The following MAP4K3 variants were observed in gnomAD, a reference collection of about 807,000 sequenced individuals.
MAP4K3 encodes the protein MAPK/ERK kinase kinase kinase 3.
In MAP4K3, 94 loss-of-function variants were observed where a neutral mutation model predicts 143.5. The observed-to-expected ratio is 0.65, with a 90% CI of 0.55 to 0.78. The LOEUF is 0.78. Ranked by LOEUF, MAP4K3 falls within the 30% of genes least tolerant of loss-of-function variation. The probability of loss-of-function intolerance (pLI) is 0.00; values close to 1 mark genes in which losing one functional copy is unlikely to be tolerated. For synonymous variants in MAP4K3, 416 were observed against 347.2 expected (o/e 1.20, Z -2.20); for missense variants, 1,077 against 1,068.1 (o/e 1.01, Z -0.12).
At chr2:39,364,865 CAAAAAAAAAAA>C (rs70957105) in intron 2 of MAP4K3, among the ~76,000 whole-genome samples, 1 of 114,724 alleles carries the variant, frequency 8.7e-6, no homozygotes, top group South Asian at 3.1e-4. Flanking sequence ...AACTCTGTCT[CAAAAAAAAAAA>C]AAAAAAAAGA....
intron 1 of MAP4K3, among the ~76,000 whole-genome samples, chr2:39,402,232 GA>G (rs1666971319): frequency 6.6e-6 from 1 of 152,146 alleles, no homozygotes; most frequent in Non-Finnish European, 1.5e-5. Flanking sequence ...AACGGTAATA[GA>G]AACTACAGTC....
At chr2:39,344,216 T>C (rs1189546213) in intron 3 of MAP4K3, among the ~76,000 whole-genome samples, 1 of 152,156 alleles carries the variant, frequency 6.6e-6, no homozygotes, top group Non-Finnish European at 1.5e-5. Flanking sequence ...GTTCCATAAA[T>C]GAATGATTGC....
intron 1 of MAP4K3, among the ~76,000 whole-genome samples, chr2:39,413,048 A>C (rs1284083345): frequency 6.6e-6 from 1 of 152,236 alleles, no homozygotes; most frequent in Non-Finnish European, 1.5e-5. Flanking sequence ...AACGAGGAGA[A>C]ACCCAACAAA....
rs188634630 is a variant in MAP4K3 at position 39,304,269 on chromosome 2, C to T, written c.1119+3674G>A. 9.0e-4 allele frequency among the ~76,000 whole-genome samples: 136 copies of T among 151,796 alleles called. 3 individuals are homozygous for T. The highest frequency in any genetic ancestry group is 7.8e-3 in the Admixed American group (119 of 15,232). On this transcript the variant is annotated intron_variant, in intron 15 of 33. Transcript: ENST00000263881. ...TGGCATTTAAAACAACCAGAAATCA[C>T]AGGTAATATGGAATGTTTATGTAGC...
chr2:39,297,413 C>T (rs554294213), intron 16 of MAP4K3, among the ~76,000 whole-genome samples: 53 of 152,152 alleles, frequency 3.5e-4, no homozygotes, highest in African/African-American at 1.2e-3. Flanking sequence ...TCACCATGCC[C>T]GGCCTAGTGT....
intron 33 of MAP4K3, among the ~76,000 whole-genome samples, chr2:39,251,547 G>C (rs959069683): frequency 2.0e-5 from 3 of 152,124 alleles, no homozygotes; most frequent in African/African-American, 7.2e-5. Context: ...ACAACACAAA[G>C]TTCTGTTCAT....
chr2:39,413,352 A>G (rs72931118), intron 1 of MAP4K3, among the ~76,000 whole-genome samples: 4,781 of 152,234 alleles, frequency 0.031, 258 homozygotes, highest in African/African-American at 0.11. Context: ...GAACAGAACC[A>G]CCATTCCCCT....
intron 2 of MAP4K3, among the ~76,000 whole-genome samples, chr2:39,366,537 C>T (rs1048650469): frequency 6.6e-6 from 1 of 152,144 alleles, no homozygotes; most frequent in Admixed American, 6.5e-5. Flanking sequence ...AGTCAGCTTT[C>T]CCTGAATTCA....
At chr2:39,270,552 C>A (rs1366471874) in intron 26 of MAP4K3, among the ~76,000 whole-genome samples, 1 of 152,202 alleles carries the variant, frequency 6.6e-6, no homozygotes, top group African/African-American at 2.4e-5. Context: ...TTCAAAACAA[C>A]TCTGCCAGAT....
chr2:39,262,678 C>T (rs553275763), intron 28 of MAP4K3, among the ~76,000 whole-genome samples: 5 of 152,302 alleles, frequency 3.3e-5, no homozygotes, highest in East Asian at 3.9e-4. Context: ...AATCCAGTTG[C>T]TATTGTCCTC....
At chr2:39,379,279 C>T (rs958218711) in intron 1 of MAP4K3, among the ~76,000 whole-genome samples, 1 of 152,026 alleles carries the variant, frequency 6.6e-6, no homozygotes, top group Non-Finnish European at 1.5e-5. Flanking sequence ...AACCATTTAA[C>T]TCTAAGAAGA....
intron 16 of MAP4K3, among the ~76,000 whole-genome samples, chr2:39,298,763 C>T (rs963041734): frequency 1.8e-4 from 27 of 152,006 alleles, no homozygotes; most frequent in African/African-American, 4.8e-4. Flanking sequence ...GCCAGGAGTT[C>T]GAGACCAGCC....
intron 2 of MAP4K3, among the ~76,000 whole-genome samples, chr2:39,369,871 T>C (rs191285132): frequency 3.2e-4 from 49 of 152,352 alleles, no homozygotes; most frequent in Non-Finnish European, 5.6e-4. Context: ...TAAGTCTTTC[T>C]AGTCACAGCC....
chr2:39,261,749 T>C (rs928141626), intron 28 of MAP4K3, among the ~76,000 whole-genome samples: 6 of 152,142 alleles, frequency 3.9e-5, no homozygotes, highest in East Asian at 1.9e-4. Flanking sequence ...GAATAAACTA[T>C]AGCTATGTCC....
chr2:39,250,410 C>A lies in MAP4K3; in HGVS notation c.*208G>T. ...GCCTATATGTACAAAGATTACATAA[C>A]AATGAATTAAGCACTTGTGTGGTTC... On this transcript the variant is annotated 3_prime_UTR_variant, in exon 34 of 34. Transcript: ENST00000263881. 2 of 497,548 alleles carry A rather than the reference C, an allele frequency of 4.0e-6. No homozygotes were observed. Among genetic ancestry groups the A allele is most frequent in the Admixed American group, 3.5e-5 (1 of 28,244 alleles). 30.8% of individuals were successfully genotyped at this position (497,548 alleles called of 1,614,324 possible).
intron 4 of MAP4K3, among the ~76,000 whole-genome samples, chr2:39,342,123 T>G (rs889556954): frequency 1.8e-5 from 2 of 112,532 alleles, no homozygotes; most frequent in Non-Finnish European, 3.3e-5. Context: ...ATTATTATTA[T>G]TATTATTATT....
chr2:39,277,789 C>T (rs1681334796), intron 24 of MAP4K3, among the ~76,000 whole-genome samples: 1 of 150,802 alleles, frequency 6.6e-6, no homozygotes, highest in African/African-American at 2.4e-5. Flanking sequence ...TGGTCTCGAA[C>T]TCCTGACCTC....
intron 13 of MAP4K3, among the ~76,000 whole-genome samples, chr2:39,312,811 C>G (rs1227079698): frequency 6.6e-6 from 1 of 152,200 alleles, no homozygotes; most frequent in East Asian, 1.9e-4. Flanking sequence ...ACAGCTTTCA[C>G]CTATACTTGT....
At chr2:39,261,860 T>C in intron 28 of MAP4K3, among the ~76,000 whole-genome samples, 1 of 152,082 alleles carries the variant, frequency 6.6e-6, no homozygotes, top group Non-Finnish European at 1.5e-5. Flanking sequence ...ATAAAATTAG[T>C]TCTAATGTTT....
Sources: gnomAD v4.1 joint callset for allele counts (sites outside exome capture counted in the v4.1 genomes callset) on GRCh38, gnomAD v4.1.1 for gene constraint, MANE v1.5 for transcripts, NCBI Gene and HGNC (gene_info 2026-07-23, HGNC 2026-07-21) for gene names.